Variants in KLHL36 observed in about 807,000 individuals in gnomAD.
The protein encoded by KLHL36 is kelch-like protein 36.
Under a neutral mutation model 53.3 loss-of-function variants are expected in KLHL36, and 35 were observed. The ratio of observed to expected loss-of-function variants is 0.66; its 90% CI spans 0.50 to 0.87. The LOEUF is 0.87. Ranked by LOEUF, KLHL36 falls within the 40% of genes least tolerant of loss-of-function variation. KLHL36 has a pLI of 0.00. For synonymous variants in KLHL36, 472 were observed against 398.9 expected (o/e 1.18, Z -2.18); for missense variants, 864 against 897.6 (o/e 0.96, Z 0.48).
Position 84,664,409 on chromosome 16 carries a change from C to G in KLHL36, c.*2276C>G. 6.6e-6 allele frequency: 1 copy of G among 152,166 alleles called. No individual in the cohort carries two copies. The highest frequency in any genetic ancestry group is 6.5e-5 in the Admixed American group (1 of 15,280). 9.4% of individuals were successfully genotyped at this position (152,166 alleles called of 1,614,324 possible). A position where few individuals can be genotyped will look rare whatever the true frequency, so the allele number is the denominator to read the frequency against. On this transcript the variant is annotated 3_prime_UTR_variant, in exon 5 of 5. Coordinates refer to ENST00000564996, the MANE Select transcript of KLHL36 (RefSeq NM_024731.4). ...GAGAGCCATTGGTTTTCAGCCTAAG[C>G]CAGCTCTTTTATGTTTTGCTTCTGG...
At position 84,661,107 on chromosome 16, in the gene KLHL36, C is replaced by A. The variant is rs552562858; in HGVS notation, c.1296-471C>A. Among the ~76,000 whole-genome samples the A allele has an allele frequency of 2.4e-4, 36 of 152,324 alleles. No individual in the cohort carries two copies. The highest frequency in any genetic ancestry group is 4.4e-4 in the Non-Finnish European group (30 of 68,024). Reference sequence around the variant, plus strand: ...TGTCCATCCCTCCCTCCCCTCTCCCCACAGTCCTGGCAGCCACTGATTTTG... The same window carrying A: ...TGTCCATCCCTCCCTCCCCTCTCCCAACAGTCCTGGCAGCCACTGATTTTG... On this transcript the variant is annotated intron_variant, in intron 4 of 4. Transcript: ENST00000564996. The surrounding 1 kb of genome is among the most constrained non-coding windows in gnomAD (Gnocchi z 7.9).
At chr16:84,652,076 C>T (rs946853693) in intron 2 of KLHL36, among the ~76,000 whole-genome samples, 2 of 152,152 alleles carry the variant, frequency 1.3e-5, no homozygotes, top group African/African-American at 4.8e-5. Flanking sequence ...CCAGCTTTAT[C>T]GATTGTGAAA....
At chr16:84,660,439 C>T (rs1173595004) in intron 4 of KLHL36, among the ~76,000 whole-genome samples, 1 of 152,194 alleles carries the variant, frequency 6.6e-6, no homozygotes, top group Non-Finnish European at 1.5e-5. Context: ...CCTCCTCAGT[C>T]TCCCCTGCGT....
intron 2 of KLHL36, among the ~76,000 whole-genome samples, chr16:84,653,000 G>A (rs9941047): frequency 0.031 from 4,716 of 151,852 alleles, 267 homozygotes; most frequent in African/African-American, 0.11. Context: ...GGAGGATCTC[G>A]TAAGCTCGGA....
At chr16:84,658,126 C>T (rs1597220444) in intron 3 of KLHL36, 182 bp downstream of exon 3, 12 of 518,680 alleles carry the variant, frequency 2.3e-5, no homozygotes, top group South Asian at 7.3e-5. Flanking sequence ...GAGGGAGAGC[C>T]GACCCACCCC....
At position 84,661,534 on chromosome 16, in the gene KLHL36, A is replaced by G; in HGVS notation, c.1296-44A>G. 1 of 1,530,342 alleles carries G rather than the reference A, an allele frequency of 6.5e-7. No homozygotes were observed. The highest frequency in any genetic ancestry group is 2.3e-5 in the East Asian group (1 of 44,016). The allele number at this position is 1,530,342 out of a possible 1,614,324, so 94.8% of individuals were successfully genotyped here. A position where few individuals can be genotyped will look rare whatever the true frequency, so the allele number is the denominator to read the frequency against. ...CCGGCTCGGAGGGGGTAAGCCTGGC[A>G]CAGCCCTGAGCTCTCCCTCTGTCTC... is the stretch of plus-strand genomic sequence containing the variant. On this transcript the variant is annotated intron_variant, in intron 4 of 4. Transcript: ENST00000564996. The surrounding 1 kb of genome is among the most constrained non-coding windows in gnomAD (Gnocchi z 7.9).
chr16:84,656,251 GTTTGT>G (rs902474851), intron 2 of KLHL36, among the ~76,000 whole-genome samples: 5 of 149,224 alleles, frequency 3.4e-5, no homozygotes, highest in Non-Finnish European at 6.0e-5. Context: ...GTTTTTTCTT[GTTTGT>G]TTTGTTTTGT....
chr16:84,656,922 C>G lies in KLHL36; in HGVS notation c.115C>G (p.Gln39Glu). The G allele has an allele frequency of 6.2e-7, 1 of 1,612,970 alleles. No homozygotes were observed. The highest frequency in any genetic ancestry group is 8.5e-7 in the Non-Finnish European group (1 of 1,179,866). The stretch of plus-strand genomic sequence containing the variant: ...CACGGTGCTGCAGCGGCTGAACGAG[C>G]AGCGTCTCCGCGGGCTCTTCTGCGA... ...SSTVLQRLNE[Q>E]RLRGLFCDVV... is the part of the protein sequence containing the mutation. Residue 39 changes from glutamine (Q) to glutamate (E), a missense_variant, in exon 3 of 5, where the codon CAG becomes GAG. Transcript: ENST00000564996.
At position 84,666,054 on chromosome 16, in the gene KLHL36, G is replaced by C. The variant is rs1425898599; in HGVS notation, c.*3921G>C. On this transcript the variant is annotated 3_prime_UTR_variant, in exon 5 of 5. Coordinates refer to ENST00000564996, the MANE Select transcript of KLHL36 (RefSeq NM_024731.4). Reference sequence around the variant, plus strand: ...CGTGGATTCTGAGTGCCCAGGAGGGGAGGGGAGGGGGTGGCATCCTGGCCT... The same window carrying C: ...CGTGGATTCTGAGTGCCCAGGAGGGCAGGGGAGGGGGTGGCATCCTGGCCT... 1 of 152,294 alleles carries C rather than the reference G, an allele frequency of 6.6e-6. No individual in the cohort carries two copies. Among genetic ancestry groups the C allele is most frequent in the East Asian group, 1.9e-4 (1 of 5,194 alleles). 9.4% of individuals were successfully genotyped at this position (152,294 alleles called of 1,614,324 possible).
At chr16:84,660,076 C>T (rs1319400059) in intron 4 of KLHL36, among the ~76,000 whole-genome samples, 159 bp downstream of exon 4, 1 of 152,086 alleles carries the variant, frequency 6.6e-6, no homozygotes, top group Non-Finnish European at 1.5e-5. Context: ...GGGCGGAGGG[C>T]GTGACGGTGC....
chr16:84,659,933 G>A lies in KLHL36; in HGVS notation c.1295+16G>A, dbSNP rs77123820. 1.3e-6 allele frequency: 2 copies of A among 1,597,306 alleles called. No individual in the cohort carries two copies. The highest frequency in any genetic ancestry group is 2.3e-5 in the East Asian group (1 of 44,386). On this transcript the variant is annotated intron_variant, in intron 4 of 4. Transcript: ENST00000564996. ...GCTTGCCAAGGTGATCTGGGGCTTGGTGGAAGGTTCTCCAAATGGGATGTT... is the reference window on the plus strand; with the variant it reads ...GCTTGCCAAGGTGATCTGGGGCTTGATGGAAGGTTCTCCAAATGGGATGTT...
Position 84,650,856 on chromosome 16 carries a change from G to C in KLHL36, c.-12G>C, listed in dbSNP as rs1326394918. 1 of 1,610,688 alleles carries C rather than the reference G, an allele frequency of 6.2e-7. No individual in the cohort carries two copies. The highest frequency in any genetic ancestry group is 1.1e-5 in the South Asian group (1 of 90,592). On this transcript the variant is annotated 5_prime_UTR_variant, in exon 2 of 5. Transcript: ENST00000564996. ...GAAATCCTGTTCTTCTCCTAGGGCTGAAATCTCTTTAATGATGGAGGGAAG... is the reference window on the plus strand; with the variant it reads ...GAAATCCTGTTCTTCTCCTAGGGCTCAAATCTCTTTAATGATGGAGGGAAG...
chr16:84,649,931 T>C (rs1906740217), intron 1 of KLHL36, among the ~76,000 whole-genome samples: 1 of 152,182 alleles, frequency 6.6e-6, no homozygotes, highest in African/African-American at 2.4e-5. Context: ...TTCTCTGTGT[T>C]CCCTTCCATC....
In KLHL36 at chr16:84,657,783, G is replaced by A. The variant is rs1434374869; in HGVS notation, c.976G>A (p.Val326Ile). The change falls in exon 3 of 5, where the codon GTC (valine) becomes ATC (isoleucine). Residue 326 changes from valine (V) to isoleucine (I), a missense_variant. Physicochemically the swap from Val to Ile is conservative, Grantham distance 29. Coordinates refer to ENST00000564996, the MANE Select transcript of KLHL36 (RefSeq NM_024731.4). ...CCTGGACGCCAAGAGCGAGCAGTGG[G>A]TCAAAGAGACGCCGCTGCCCGCCCG... Reference protein sequence around the residue: ...CYLDAKSEQWVKETPLPARRS... With the variant: ...CYLDAKSEQWIKETPLPARRS... The A allele has an allele frequency of 1.4e-5, 23 of 1,608,520 alleles. No individual in the cohort carries two copies. The Admixed American group carries it at 3.8e-4, about 27-fold the overall frequency.
At position 84,665,034 on chromosome 16, in the gene KLHL36, A is replaced by G. The variant is rs551884742; in HGVS notation, c.*2901A>G. ...GAGTGAGACCCTGTCTCAAAAGAATAAAATGTTTTTTAACTCAGATGGGCA... is the reference window on the plus strand; with the variant it reads ...GAGTGAGACCCTGTCTCAAAAGAATGAAATGTTTTTTAACTCAGATGGGCA... On this transcript the variant is annotated 3_prime_UTR_variant, in exon 5 of 5. Transcript: ENST00000564996. 221 of 152,296 alleles carry G rather than the reference A, an allele frequency of 1.5e-3. 1 individual carries two copies. Among genetic ancestry groups the G allele is most frequent in the Middle Eastern group, 3.4e-3 (1 of 294 alleles). 9.4% of individuals were successfully genotyped at this position (152,296 alleles called of 1,614,324 possible).
chr16:84,666,432 C>T lies in KLHL36; in HGVS notation c.*4299C>T, dbSNP rs1907838939. On this transcript the variant is annotated 3_prime_UTR_variant, in exon 5 of 5. Coordinates refer to ENST00000564996, the MANE Select transcript of KLHL36 (RefSeq NM_024731.4). ...GGGTATGACTGTCTCAGGCCCCCAGCTCATTTGCCAAGAGGAAACCTTAAC... is the reference window on the plus strand; with the variant it reads ...GGGTATGACTGTCTCAGGCCCCCAGTTCATTTGCCAAGAGGAAACCTTAAC... 6.6e-6 allele frequency: 1 copy of T among 152,166 alleles called. No homozygotes were observed. The highest frequency in any genetic ancestry group is 1.5e-5 in the Non-Finnish European group (1 of 68,054). 9.4% of individuals were successfully genotyped at this position (152,166 alleles called of 1,614,324 possible). A position where few individuals can be genotyped will look rare whatever the true frequency, so the allele number is the denominator to read the frequency against.
At position 84,665,890 on chromosome 16, in the gene KLHL36, C is replaced by T. The variant is rs1405030834; in HGVS notation, c.*3757C>T. On this transcript the variant is annotated 3_prime_UTR_variant, in exon 5 of 5. Coordinates refer to ENST00000564996, the MANE Select transcript of KLHL36 (RefSeq NM_024731.4). ...CACCCCCTGTAGAGTCACTGACCTT[C>T]ATCCTTCACCCTGGTCCTCCATGGT... 6.6e-6 allele frequency: 1 copy of T among 152,256 alleles called. No homozygotes were observed. Among genetic ancestry groups the T allele is most frequent in the East Asian group, 1.9e-4 (1 of 5,194 alleles). The allele number at this position is 152,256 out of a possible 1,614,324, so 9.4% of individuals were successfully genotyped here.
intron 2 of KLHL36, among the ~76,000 whole-genome samples, chr16:84,655,571 G>A (rs1232508317): frequency 6.6e-6 from 1 of 151,828 alleles, no homozygotes; most frequent in Non-Finnish European, 1.5e-5. Context: ...AGGCATGGTG[G>A]CACACACCCG....
Position 84,662,384 on chromosome 16 carries a change from C to G in KLHL36, c.*251C>G, listed in dbSNP as rs4783041. 1.6e-5 allele frequency: 6 copies of G among 371,576 alleles called. No individual in the cohort carries two copies. The highest frequency in any genetic ancestry group is 4.1e-5 in the Admixed American group (1 of 24,272). The allele number at this position is 371,576 out of a possible 1,614,324, so 23.0% of individuals were successfully genotyped here. A position where few individuals can be genotyped will look rare whatever the true frequency, so the allele number is the denominator to read the frequency against. ...CTTGTATCTTCACAGGTCTTTGCCC[C>G]GTGTTATGATTCCTCATGGGTCCTT... On this transcript the variant is annotated 3_prime_UTR_variant, in exon 5 of 5. Transcript: ENST00000564996.
Sources: allele counts gnomAD v4.1 joint callset (sites outside exome capture counted in the v4.1 genomes callset), GRCh38; gene constraint gnomAD v4.1.1; non-coding constraint Gnocchi (gnomAD v3.1); transcripts MANE v1.5; gene names NCBI Gene and HGNC (gene_info 2026-07-23, HGNC 2026-07-21).